The following STAG2 variants were observed in gnomAD, a reference collection of about 807,000 sequenced individuals.
The protein encoded by STAG2 is cohesin subunit SA-2.
In STAG2, 14 loss-of-function variants were observed where a neutral mutation model predicts 108.1. The ratio of observed to expected loss-of-function variants is 0.13; its 90% CI spans 0.09 to 0.20. The LOEUF is 0.20. Ranked by LOEUF, STAG2 falls within the 10% of genes least tolerant of loss-of-function variation. The pLI, the probability that STAG2 is intolerant of heterozygous loss-of-function variation, is 1.00. For synonymous variants in STAG2, 307 were observed against 302.7 expected (o/e 1.01, Z -0.15); for missense variants, 440 against 940.9 (o/e 0.47, Z 6.96).
intron 29 of STAG2, among the ~76,000 whole-genome samples, chrX:124,083,930 GTTA>G (rs1286493352): frequency 2.7e-5 from 3 of 111,513 alleles, no homozygotes; most frequent in Non-Finnish European, 5.6e-5. Context: ...TGCTTTTTGT[GTTA>G]TTATCTGCAT....
chrX:124,055,374 CA>C (rs1311346578), intron 13 of STAG2, among the ~76,000 whole-genome samples: 1 of 111,849 alleles, frequency 8.9e-6, no homozygotes, highest in Non-Finnish European at 1.9e-5. Context: ...TTATATATAT[CA>C]CAGTAGACTA....
chrX:124,039,148 T>TATTATG (rs2057617203), intron 6 of STAG2, among the ~76,000 whole-genome samples: 1 of 103,746 alleles, frequency 9.6e-6, no homozygotes, highest in Non-Finnish European at 2.0e-5. Context: ...TTATTATTAT[T>TATTATG]ATTATTATTA....
intron 1 of STAG2, among the ~76,000 whole-genome samples, chrX:123,966,382 A>T (rs1422373242): frequency 9.1e-6 from 1 of 109,436 alleles, no homozygotes; most frequent in African/African-American, 3.3e-5. Flanking sequence ...GAATCGCTTG[A>T]ACCTGGGAGG....
intron 1 of STAG2, among the ~76,000 whole-genome samples, chrX:124,009,429 AGGT>A (rs1569501830): frequency 2.2e-5 from 2 of 89,979 alleles, no homozygotes; most frequent in Non-Finnish European, 4.5e-5. Flanking sequence ...GTAGGTAGGT[AGGT>A]AGGTAGGTAG....
At chrX:124,081,851 T>G (rs1407264020) in intron 28 of STAG2, among the ~76,000 whole-genome samples, 1 of 110,715 alleles carries the variant, frequency 9.0e-6, no homozygotes, top group Non-Finnish European at 1.9e-5. Flanking sequence ...ATAGAAAAAT[T>G]AGCTGGGAGT....
In STAG2 at chrX:124,066,365, C is replaced by T. The variant is rs2148344137; in HGVS notation, c.2194C>T (p.His732Tyr). ...NGDMPEQIVI[H>Y]ALQCTHYVIL... Reference sequence around the variant, plus strand: ...TTGATTCTTTTTACAGATTGTTATTCACGCACTGCAGTGTACTCACTATGT... The same window carrying T: ...TTGATTCTTTTTACAGATTGTTATTTACGCACTGCAGTGTACTCACTATGT... Residue 732 changes from histidine to tyrosine, a missense_variant, in exon 23 of 35, where the codon CAC (histidine) becomes TAC (tyrosine). Around this residue, in one of 3 missense-constraint regions of STAG2, gnomAD observed 337 missense variants for 649.3 expected, o/e 0.52. Transcript: ENST00000371145. 1 of 1,202,808 alleles carries T rather than the reference C, an allele frequency of 8.3e-7. No individual in the cohort carries two copies. Among genetic ancestry groups the T allele is most frequent in the African/African-American group, 1.7e-5 (1 of 57,423 alleles).
intron 23 of STAG2, among the ~76,000 whole-genome samples, chrX:124,068,207 C>T (rs942041509): frequency 1.4e-4 from 16 of 111,183 alleles, no homozygotes; most frequent in African/African-American, 3.9e-4. Flanking sequence ...GGTTGACCAC[C>T]CTTGAAATAA....
At chrX:124,088,615 CT>C (rs35629422) in intron 30 of STAG2, among the ~76,000 whole-genome samples, 11,293 of 82,017 alleles carry the variant, frequency 0.14, 601 homozygotes, top group East Asian at 0.37. Context: ...TATGTATAAT[CT>C]TTTTTTTTTT....
intron 25 of STAG2, among the ~76,000 whole-genome samples, 199 bp downstream of exon 25, chrX:124,071,522 G>A (rs755195577): frequency 9.0e-6 from 1 of 111,587 alleles, no homozygotes; most frequent in East Asian, 2.8e-4. Flanking sequence ...AGGCTTTCAA[G>A]TCAGATCGCT....
intron 1 of STAG2, among the ~76,000 whole-genome samples, chrX:123,974,577 CTTTTT>C (rs778065126): frequency 0.19 from 15,734 of 84,953 alleles, 1,209 homozygotes; most frequent in East Asian, 0.38. Flanking sequence ...TTGATACCTT[CTTTTT>C]TTTTTTTTTT....
rs138200818 is a variant in STAG2, at chrX:123,995,739, C to T, written c.-162-25628C>T. 3.9e-3 allele frequency among the ~76,000 whole-genome samples: 436 copies of T among 111,462 alleles called. 1 individual carries two copies. Among genetic ancestry groups the T allele is most frequent in the African/African-American group, 0.013 (404 of 30,721 alleles). On this transcript the variant is annotated intron_variant, in intron 1 of 34. Transcript: ENST00000371145. ...TAGCTTGTTAAGAAAATGCAAGCAG[C>T]ATTTATGAAAAAGATAATATGAATG...
intron 1 of STAG2, among the ~76,000 whole-genome samples, chrX:124,013,981 T>G (rs1344685141): frequency 9.0e-6 from 1 of 111,344 alleles, no homozygotes; most frequent in African/African-American, 3.3e-5. Flanking sequence ...ACATCAAAAA[T>G]GGTCATTGAG....
intron 1 of STAG2, among the ~76,000 whole-genome samples, chrX:124,017,388 T>G (rs1249905961): frequency 9.1e-6 from 1 of 110,232 alleles, no homozygotes; most frequent in Non-Finnish European, 1.9e-5. Context: ...TTTTGTATTT[T>G]TGTTTTAGAG....
rs142745003 is a variant in STAG2, at chrX:124,050,106, A to C, written c.894-80A>C. 3.8e-6 allele frequency: 4 copies of C among 1,056,146 alleles called. No individual in the cohort carries two copies. The East Asian group carries it at 1.2e-4, about 33-fold the overall frequency. The allele number at this position is 1,056,146 out of a possible 1,213,427, so 87.0% of individuals were successfully genotyped here. A position where few individuals can be genotyped will look rare whatever the true frequency, so the allele number is the denominator to read the frequency against. On this transcript the variant is annotated intron_variant, in intron 10 of 34. Transcript: ENST00000371145. ...GTCATATTCATAGTAGATCTGAAGT[A>C]CTTGGCATCTCTTGAATAAACCATA...
intron 1 of STAG2, among the ~76,000 whole-genome samples, chrX:124,017,577 G>T (rs1203564886): frequency 9.0e-6 from 1 of 111,557 alleles, no homozygotes. Flanking sequence ...ATCAAAGCAA[G>T]ATATTAGGAT....
chrX:123,979,992 A>G (rs1193213865), intron 1 of STAG2, among the ~76,000 whole-genome samples: 1 of 112,116 alleles, frequency 8.9e-6, no homozygotes, highest in Admixed American at 9.5e-5. Flanking sequence ...GTTTTGGTTA[A>G]TATTTAATAT....
At chrX:124,056,955 C>T (rs934281044) in intron 14 of STAG2, among the ~76,000 whole-genome samples, 7 of 107,376 alleles carry the variant, frequency 6.5e-5, no homozygotes, top group Non-Finnish European at 1.3e-4. Flanking sequence ...TGCAGTGGTG[C>T]GATCTCAGCT....
intron 30 of STAG2, among the ~76,000 whole-genome samples, chrX:124,087,147 C>T (rs1047639743): frequency 7.1e-5 from 8 of 111,935 alleles, no homozygotes; most frequent in Admixed American, 2.8e-4. Flanking sequence ...GAGATCAGAT[C>T]ATCTAGTTAA....
At chrX:123,966,447 G>T (rs754823066) in intron 1 of STAG2, among the ~76,000 whole-genome samples, 1 of 109,227 alleles carries the variant, frequency 9.2e-6, no homozygotes, top group African/African-American at 3.3e-5. Context: ...GGGCGACAGC[G>T]AGACTCCGTT....
Sources: gnomAD v4.1 joint callset for allele counts (sites outside exome capture counted in the v4.1 genomes callset) on GRCh38, gnomAD v4.1.1 for gene constraint, gnomAD v4.1.1 regional missense constraint, MANE v1.5 for transcripts, NCBI Gene and HGNC (gene_info 2026-07-23, HGNC 2026-07-21) for gene names.